SLC9A2: variants seen among roughly 807,000 people sequenced by gnomAD.
SLC9A2 encodes the protein solute carrier family 9 member A2.
Under a neutral mutation model 71.7 loss-of-function variants are expected in SLC9A2, and 42 were observed. The observed-to-expected ratio is 0.59, with a 90% CI of 0.46 to 0.76. The LOEUF is 0.76. Ranked by LOEUF, SLC9A2 falls within the 30% of genes least tolerant of loss-of-function variation. SLC9A2 has a pLI of 0.00. For missense variants in SLC9A2, 829 were observed against 1,017.4 expected (o/e 0.81, Z 2.52); for synonymous variants, 396 against 392.5 (o/e 1.01, Z -0.10).
At chr2:102,654,275 G>A (rs1183919385) in intron 1 of SLC9A2, among the ~76,000 whole-genome samples, 1 of 131,754 alleles carries the variant, frequency 7.6e-6, no homozygotes, top group African/African-American at 3.0e-5. Flanking sequence ...GCACATAGAA[G>A]CAAGAGTCAG....
rs1558712761 is a variant in SLC9A2, at chr2:102,665,266, G to C, written c.920G>C (p.Arg307Pro). ...AFTTRFTHNI[R>P]VIEPLFVFLY... ...ACTACTCGATTCACCCATAATATCC[G>C]AGTGATCGAGCCACTGTTTGTTTTC... Residue 307 changes from arginine to proline, a missense_variant, in exon 3 of 12, where the codon CGA becomes CCA. Arg to Pro is a moderately radical substitution (Grantham distance 103). Coordinates refer to ENST00000233969, the MANE Select transcript of SLC9A2 (RefSeq NM_003048.6). The C allele has an allele frequency of 3.1e-6, 5 of 1,614,024 alleles. No individual in the cohort carries two copies. The highest frequency in any genetic ancestry group is 3.4e-6 in the Non-Finnish European group (4 of 1,180,002).
At chr2:102,623,539 G>A (rs114211193) in intron 1 of SLC9A2, among the ~76,000 whole-genome samples, 287 of 152,070 alleles carry the variant, frequency 1.9e-3, no homozygotes, top group African/African-American at 4.3e-3. Context: ...GGACACTTTC[G>A]TACCCCATTA....
At chr2:102,634,207 A>T (rs533469043) in intron 1 of SLC9A2, among the ~76,000 whole-genome samples, 1 of 152,158 alleles carries the variant, frequency 6.6e-6, no homozygotes, top group Non-Finnish European at 1.5e-5. Flanking sequence ...CCTGTCACAT[A>T]TATTATTATT....
intron 2 of SLC9A2, among the ~76,000 whole-genome samples, chr2:102,659,262 C>G (rs1463727679): frequency 1.6e-5 from 2 of 125,584 alleles, no homozygotes; most frequent in African/African-American, 6.2e-5. Flanking sequence ...AACCCTGTCT[C>G]TACTAAAAAT....
At chr2:102,648,200 A>G (rs1573406682) in intron 1 of SLC9A2, among the ~76,000 whole-genome samples, 1 of 152,346 alleles carries the variant, frequency 6.6e-6, no homozygotes, top group Middle Eastern at 3.4e-3. Flanking sequence ...ACACAAGTCA[A>G]TAAACATAAT....
rs1678052247 is a variant in SLC9A2 at position 102,709,192 on chromosome 2, G to A, written c.*703G>A. On this transcript the variant is annotated 3_prime_UTR_variant, in exon 12 of 12. Transcript: ENST00000233969. ...CTCTGTCTACTGTGTGTTTGGGGGTGACATCTAAATTCCATTTCTTCTTCT... is the reference window on the plus strand; with the variant it reads ...CTCTGTCTACTGTGTGTTTGGGGGTAACATCTAAATTCCATTTCTTCTTCT... The A allele has an allele frequency of 6.6e-6, 1 of 152,440 alleles. No individual in the cohort carries two copies. Among genetic ancestry groups the A allele is most frequent in the East Asian group, 1.9e-4 (1 of 5,338 alleles). The allele number at this position is 152,440 out of a possible 1,614,324, so 9.4% of individuals were successfully genotyped here.
chr2:102,647,003 T>C (rs545407726), intron 1 of SLC9A2, among the ~76,000 whole-genome samples: 30 of 152,088 alleles, frequency 2.0e-4, no homozygotes, highest in African/African-American at 6.7e-4. Context: ...ATCAACAGAA[T>C]TGTACATTCT....
At chr2:102,641,028 G>T (rs995454247) in intron 1 of SLC9A2, among the ~76,000 whole-genome samples, 7 of 152,152 alleles carry the variant, frequency 4.6e-5, no homozygotes, top group African/African-American at 1.7e-4. Flanking sequence ...TCTGTGCCAG[G>T]AACTAGGAGC....
At chr2:102,704,734 G>A in intron 10 of SLC9A2, 59 bp downstream of exon 10, 1 of 1,554,480 alleles carries the variant, frequency 6.4e-7, no homozygotes, top group Non-Finnish European at 8.8e-7. Context: ...CTATTCCATT[G>A]ATCAGCTGAT....
chr2:102,678,218 C>T (rs1185439786), intron 3 of SLC9A2, among the ~76,000 whole-genome samples: 1 of 152,056 alleles, frequency 6.6e-6, no homozygotes, highest in East Asian at 1.9e-4. Context: ...GTCTTACTTG[C>T]TTTCATCTTC....
intron 1 of SLC9A2, among the ~76,000 whole-genome samples, chr2:102,624,401 A>ACCTGGAAT (rs1327465986): frequency 6.6e-6 from 1 of 152,186 alleles, no homozygotes; most frequent in Non-Finnish European, 1.5e-5. Context: ...GGGTTCTACG[A>ACCTGGAAT]CCTGGAATAA....
At chr2:102,626,223 C>G (rs1238815871) in intron 1 of SLC9A2, among the ~76,000 whole-genome samples, 1 of 152,152 alleles carries the variant, frequency 6.6e-6, no homozygotes, top group Admixed American at 6.5e-5. Context: ...CCAAAACAGA[C>G]ATATAGACCA....
chr2:102,649,331 G>A (rs530366749), intron 1 of SLC9A2, among the ~76,000 whole-genome samples: 1 of 152,180 alleles, frequency 6.6e-6, no homozygotes, highest in Non-Finnish European at 1.5e-5. Context: ...ACTCAAGATG[G>A]ATTAAAGGCT....
chr2:102,624,307 G>A (rs1676200460), intron 1 of SLC9A2, among the ~76,000 whole-genome samples: 1 of 152,152 alleles, frequency 6.6e-6, no homozygotes, highest in Admixed American at 6.5e-5. Context: ...CTTTCACTTT[G>A]AATATTTATA....
chr2:102,678,339 A>C (rs572873050), intron 3 of SLC9A2, among the ~76,000 whole-genome samples: 2 of 150,286 alleles, frequency 1.3e-5, no homozygotes, highest in Admixed American at 6.6e-5. Context: ...AAAAAAAAAA[A>C]ACAGAGAGAG....
chr2:102,683,298 G>C lies in SLC9A2; in HGVS notation c.1042G>C (p.Glu348Gln). Reference protein sequence around the residue: ...ACAMTMNKYVEENVSQKSYTT... With the variant: ...ACAMTMNKYVQENVSQKSYTT... ...TGCAATGACTATGAATAAGTACGTA[G>C]AAGAAAATGTATCTCAGAAATCCTA... The change falls in exon 4 of 12, where the codon GAA becomes CAA. Residue 348 changes from glutamate to glutamine, a missense_variant. Transcript: ENST00000233969. 6.2e-7 allele frequency: 1 copy of C among 1,613,692 alleles called. No individual in the cohort carries two copies. The highest frequency in any genetic ancestry group is 8.5e-7 in the Non-Finnish European group (1 of 1,179,732).
chr2:102,670,381 G>T (rs1677222919), intron 3 of SLC9A2, among the ~76,000 whole-genome samples: 1 of 151,770 alleles, frequency 6.6e-6, no homozygotes, highest in Non-Finnish European at 1.5e-5. Flanking sequence ...TTCCTCAAGG[G>T]TACTGTCTAA....
intron 1 of SLC9A2, among the ~76,000 whole-genome samples, chr2:102,635,841 T>C (rs1004077333): frequency 1.3e-5 from 2 of 152,278 alleles, no homozygotes; most frequent in Middle Eastern, 3.4e-3. Flanking sequence ...GTTGATAAGA[T>C]AGCTAATCTG....
chr2:102,695,756 G>A (rs995247619), intron 7 of SLC9A2, among the ~76,000 whole-genome samples: 22 of 96,796 alleles, frequency 2.3e-4, no homozygotes, highest in Admixed American at 7.2e-4. Flanking sequence ...CAGAAATAAC[G>A]TGTATATATA....
Sources: allele counts gnomAD v4.1 joint callset (sites outside exome capture counted in the v4.1 genomes callset), GRCh38; gene constraint gnomAD v4.1.1; transcripts MANE v1.5; gene names NCBI Gene and HGNC (gene_info 2026-07-23, HGNC 2026-07-21).